RAP1GDS1: variants seen among roughly 807,000 people sequenced by gnomAD.
RAP1GDS1 encodes the protein RAP1, GTP-GDP dissociation stimulator 1.
A neutral mutation model predicts 71.1 loss-of-function variants in RAP1GDS1; 35 were observed. The ratio of observed to expected loss-of-function variants is 0.49; its 90% CI spans 0.38 to 0.65. RAP1GDS1 has a LOEUF of 0.65. Ranked by LOEUF, RAP1GDS1 falls within the 30% of genes least tolerant of loss-of-function variation. The pLI is 0.00. For missense variants in RAP1GDS1, 663 were observed against 706.1 expected (o/e 0.94, Z 0.69); for synonymous variants, 229 against 243.1 (o/e 0.94, Z 0.54).
intron 6 of RAP1GDS1, among the ~76,000 whole-genome samples, chr4:98,392,856 A>G (rs1476725596): frequency 1.3e-5 from 2 of 152,078 alleles, no homozygotes; most frequent in East Asian, 3.8e-4. Context: ...TTATAGTATT[A>G]GAAAACAAAA....
At chr4:98,272,359 C>T (rs1250960916) in intron 1 of RAP1GDS1, among the ~76,000 whole-genome samples, 1 of 152,182 alleles carries the variant, frequency 6.6e-6, no homozygotes, top group East Asian at 1.9e-4. Context: ...AAAGCATTTT[C>T]TGCATCCTGC....
Position 98,420,140 on chromosome 4 carries a change from A to G in RAP1GDS1, c.1296A>G (p.Ala432=). 1 of 1,539,090 alleles carries G rather than the reference A, an allele frequency of 6.5e-7. No homozygotes were observed. Among genetic ancestry groups the G allele is most frequent in the Non-Finnish European group, 8.8e-7 (1 of 1,141,100 alleles). Residue 432 remains alanine (A), a synonymous_variant, in exon 11 of 15, where the codon GCA becomes GCG. Transcript: ENST00000408927. The stretch of plus-strand genomic sequence containing the variant: ...GAACATTAAGAATGTTAATAGATGC[A>G]CAAGGTAAAAGAAATGTTTTCCCCA... The part of the protein sequence containing the change: ...LLGTLRMLID[A]QAEAAEQLGK...
chr4:98,270,676 C>T (rs373237047), intron 1 of RAP1GDS1, among the ~76,000 whole-genome samples: 7 of 151,640 alleles, frequency 4.6e-5, no homozygotes, highest in Admixed American at 1.3e-4. Flanking sequence ...TACAGTTGAC[C>T]GTTGAATAAC....
chr4:98,339,822 G>A (rs1735228503), intron 2 of RAP1GDS1, among the ~76,000 whole-genome samples: 1 of 152,240 alleles, frequency 6.6e-6, no homozygotes, highest in Non-Finnish European at 1.5e-5. Context: ...ACAGGTGGTG[G>A]TGAGGTTGCA....
chr4:98,293,618 C>T, intron 2 of RAP1GDS1, 103 bp downstream of exon 2: 1 of 809,482 alleles, frequency 1.2e-6, no homozygotes. Context: ...ATTCATATAA[C>T]TTGAATTCTT....
chr4:98,433,827 C>G, intron 12 of RAP1GDS1, 109 bp from the exon 13 acceptor site: 1 of 952,326 alleles, frequency 1.1e-6, no homozygotes, highest in Non-Finnish European at 1.5e-6. Flanking sequence ...TCAAATGATT[C>G]ATACAGGACA....
chr4:98,359,247 A>G (rs1440931875), intron 4 of RAP1GDS1, among the ~76,000 whole-genome samples: 6 of 152,170 alleles, frequency 3.9e-5, no homozygotes, highest in African/African-American at 1.4e-4. Context: ...CCTAGGGACA[A>G]AAGCAGAGTA....
At chr4:98,429,493 G>C (rs758118046) in intron 12 of RAP1GDS1, among the ~76,000 whole-genome samples, 22 of 152,072 alleles carry the variant, frequency 1.4e-4, no homozygotes, top group Non-Finnish European at 2.6e-4. Flanking sequence ...TGGGGACTTA[G>C]GGGTAAAGGG....
At chr4:98,346,894 A>G (rs1180313213) in intron 3 of RAP1GDS1, among the ~76,000 whole-genome samples, 1 of 152,188 alleles carries the variant, frequency 6.6e-6, no homozygotes, top group East Asian at 1.9e-4. Context: ...GAAAAATATA[A>G]ATGTCAGTTT....
intron 12 of RAP1GDS1, among the ~76,000 whole-genome samples, chr4:98,427,211 A>T (rs1013118526): frequency 2.6e-5 from 4 of 152,152 alleles, no homozygotes; most frequent in Non-Finnish European, 4.4e-5. Context: ...TACCAGTGAC[A>T]TACCTCAATA....
chr4:98,317,804 A>T (rs1325193101), intron 2 of RAP1GDS1, among the ~76,000 whole-genome samples: 1 of 148,488 alleles, frequency 6.7e-6, no homozygotes, highest in Admixed American at 6.8e-5. Flanking sequence ...CTCAGCCCTG[A>T]TATTTGACTA....
At chr4:98,348,926 A>T (rs570401156) in intron 3 of RAP1GDS1, among the ~76,000 whole-genome samples, 301 of 151,970 alleles carry the variant, frequency 2.0e-3, no homozygotes, top group African/African-American at 7.1e-3. Flanking sequence ...TTGCCTGTTC[A>T]CTCTGATGGT....
chr4:98,388,826 CTT>C (rs879660266), intron 5 of RAP1GDS1, among the ~76,000 whole-genome samples: 1 of 151,834 alleles, frequency 6.6e-6, no homozygotes, highest in African/African-American at 2.4e-5. Flanking sequence ...ACCTAGAAGA[CTT>C]TTTTTATGTA....
Position 98,419,222 on chromosome 4 carries a change from A to AT in RAP1GDS1, c.1174+443dup, listed in dbSNP as rs879834115. ...AGGCATGTGCCACCATGCCCAGCTG[A>AT]TTTTTTTTTTTTGTAGAAACAGGAT... On this transcript the variant is annotated intron_variant, in intron 10 of 14. Transcript: ENST00000408927. Among the ~76,000 whole-genome samples, 153 of 145,996 alleles carry AT rather than the reference A, an allele frequency of 1.0e-3. 1 individual carries two copies. The Middle Eastern group carries it at 0.011, about 10-fold the overall frequency.
intron 2 of RAP1GDS1, among the ~76,000 whole-genome samples, chr4:98,339,177 C>T (rs1219529154): frequency 6.6e-6 from 1 of 152,122 alleles, no homozygotes; most frequent in Non-Finnish European, 1.5e-5. Context: ...CTGGCAGTGT[C>T]ATAACTAAGC....
At chr4:98,440,401 A>G (rs968548655) in intron 14 of RAP1GDS1, among the ~76,000 whole-genome samples, 1 of 152,170 alleles carries the variant, frequency 6.6e-6, no homozygotes. Flanking sequence ...TTTATTAAAT[A>G]CTGTTTTTAC....
At chr4:98,299,692 TG>T (rs1728293816) in intron 2 of RAP1GDS1, among the ~76,000 whole-genome samples, 1 of 151,728 alleles carries the variant, frequency 6.6e-6, no homozygotes, top group South Asian at 2.1e-4. Context: ...TGGAATGCAG[TG>T]GCACGATCTC....
intron 6 of RAP1GDS1, among the ~76,000 whole-genome samples, chr4:98,404,145 T>C (rs1745808628): frequency 6.6e-6 from 1 of 152,132 alleles, no homozygotes; most frequent in Non-Finnish European, 1.5e-5. Context: ...TAAAGATAAG[T>C]CACCTTTAAT....
intron 1 of RAP1GDS1, among the ~76,000 whole-genome samples, chr4:98,289,509 T>A (rs145429316): frequency 0.024 from 3,386 of 142,818 alleles, 81 homozygotes; most frequent in Middle Eastern, 0.07. Flanking sequence ...TGGCATAATG[T>A]GAGTTGTAAA....
Sources: gnomAD v4.1 joint callset for allele counts (sites outside exome capture counted in the v4.1 genomes callset) on GRCh38, gnomAD v4.1.1 for gene constraint, MANE v1.5 for transcripts, NCBI Gene and HGNC (gene_info 2026-07-23, HGNC 2026-07-21) for gene names.